CSMD1: variants seen among roughly 807,000 people sequenced by gnomAD.
CSMD1 encodes CUB and Sushi multiple domains 1, also known as CUB and sushi domain-containing protein 1.
CSMD1 carries 213 observed loss-of-function variants against 417.5 expected under a neutral mutation model. The observed-to-expected ratio is 0.51, with a 90% confidence interval of 0.46 to 0.57. The LOEUF (loss-of-function observed/expected upper bound fraction) is 0.57. Among genes scored for constraint, CSMD1 ranks in the 20% least tolerant of loss-of-function variants. The pLI is 0.00. For synonymous variants in CSMD1, 2,862 were observed against 1,736.8 expected (o/e 1.65, Z -16.11); for missense variants, 6,923 against 4,529.7 (o/e 1.53, Z -15.17).
At chr8:4,505,690 A>G (rs1381866811) in intron 2 of CSMD1, among the ~76,000 whole-genome samples, 3 of 152,138 alleles carry the variant, frequency 2.0e-5, no homozygotes, top group African/African-American at 7.2e-5. Flanking sequence ...AGGGAGTTCT[A>G]AGAGCTTTCA....
intron 18 of CSMD1, among the ~76,000 whole-genome samples, chr8:3,372,100 T>A (rs1585068032): frequency 6.6e-6 from 1 of 152,014 alleles, no homozygotes; most frequent in South Asian, 2.1e-4. Context: ...GACACATGAC[T>A]GTGAAGAAAA....
intron 7 of CSMD1, among the ~76,000 whole-genome samples, chr8:3,690,376 T>C (rs1286604577): frequency 6.6e-6 from 1 of 152,082 alleles, no homozygotes; most frequent in Non-Finnish European, 1.5e-5. Context: ...AAAACAAAAA[T>C]TACCTGAATC....
intron 1 of CSMD1, among the ~76,000 whole-genome samples, chr8:4,648,165 A>C (rs922689125): frequency 8.5e-5 from 13 of 152,212 alleles, no homozygotes; most frequent in African/African-American, 3.1e-4. Flanking sequence ...TCTGATTATC[A>C]GTGATGTTGA....
At chr8:3,255,956 G>A (rs1025589646) in intron 26 of CSMD1, among the ~76,000 whole-genome samples, 24 of 152,228 alleles carry the variant, frequency 1.6e-4, no homozygotes, top group Middle Eastern at 3.4e-3. Flanking sequence ...CTTCTGCATC[G>A]TTCATGCTGG....
At chr8:4,579,420 G>T (rs953889860) in intron 2 of CSMD1, among the ~76,000 whole-genome samples, 1 of 151,868 alleles carries the variant, frequency 6.6e-6, no homozygotes, top group Non-Finnish European at 1.5e-5. Flanking sequence ...GTACAATGGC[G>T]TGATCTCAGC....
chr8:3,632,146 A>C (rs17396948), intron 7 of CSMD1, among the ~76,000 whole-genome samples: 7,544 of 152,310 alleles, frequency 0.05, 264 homozygotes, highest in Non-Finnish European at 0.077. Flanking sequence ...CCTGCTAGAG[A>C]AAAGGGATTT....
At chr8:4,275,409 G>C (rs1055560023) in intron 3 of CSMD1, among the ~76,000 whole-genome samples, 3 of 152,042 alleles carry the variant, frequency 2.0e-5, no homozygotes, top group African/African-American at 7.2e-5. Context: ...GGACAAAGGA[G>C]AATAAATACA....
intron 3 of CSMD1, among the ~76,000 whole-genome samples, chr8:4,096,565 C>T (rs73173813): frequency 7.8e-5 from 11 of 141,570 alleles, no homozygotes; most frequent in Admixed American, 2.0e-4. Flanking sequence ...TGATAATGCA[C>T]GCCACTAAGG....
intron 3 of CSMD1, among the ~76,000 whole-genome samples, chr8:4,313,686 T>A (rs1798757327): frequency 1.3e-5 from 2 of 151,886 alleles, no homozygotes; most frequent in South Asian, 4.2e-4. Context: ...GCTCTGAAAG[T>A]TTCAGACATT....
chr8:3,402,254 T>C (rs913828104), intron 15 of CSMD1, among the ~76,000 whole-genome samples: 3 of 152,198 alleles, frequency 2.0e-5, no homozygotes, highest in Admixed American at 6.5e-5. Context: ...TGTTCAATCC[T>C]TAATCTTTTT....
At chr8:3,414,911 G>A (rs1286340168) in intron 12 of CSMD1, among the ~76,000 whole-genome samples, 6 of 152,016 alleles carry the variant, frequency 3.9e-5, no homozygotes, top group African/African-American at 1.5e-4. Context: ...CGTGTCTCTA[G>A]CACCACTCTC....
At chr8:4,099,206 G>GCACA (rs142311935) in intron 3 of CSMD1, among the ~76,000 whole-genome samples, 96 of 148,572 alleles carry the variant, frequency 6.5e-4, no homozygotes, top group Middle Eastern at 7.0e-3. Flanking sequence ...ACACACACAC[G>GCACA]CACACACACA....
chr8:4,475,725 G>C (rs777764920), intron 2 of CSMD1, among the ~76,000 whole-genome samples: 13 of 151,734 alleles, frequency 8.6e-5, no homozygotes, highest in Non-Finnish European at 1.3e-4. Flanking sequence ...GGATTCTCCT[G>C]CATCAGCCTC....
At chr8:3,621,350 C>G (rs1020472998) in intron 7 of CSMD1, among the ~76,000 whole-genome samples, 1 of 151,960 alleles carries the variant, frequency 6.6e-6, no homozygotes, top group Non-Finnish European at 1.5e-5. Flanking sequence ...TCACTTTAGG[C>G]GTAAGGACAC....
chr8:3,353,037 G>C (rs1808519056), intron 21 of CSMD1, among the ~76,000 whole-genome samples: 1 of 152,126 alleles, frequency 6.6e-6, no homozygotes, highest in Non-Finnish European at 1.5e-5. Flanking sequence ...ACTATGATTT[G>C]AACCCCAGGC....
rs181985245 is a variant in CSMD1, at chr8:4,719,456, T to C, written c.86-81898A>G. On this transcript the variant is annotated intron_variant, in intron 1 of 69. Transcript: ENST00000635120. ...TAAGTCTCAGGCATTTGCTGCTTCC[T>C]TTCTTCCAGAAATGGACTCTCATTT... 4.8e-3 allele frequency among the ~76,000 whole-genome samples: 736 copies of C among 152,234 alleles called. 9 individuals are homozygous for C. The highest frequency in any genetic ancestry group is 0.016 in the African/African-American group (658 of 41,544).
At chr8:4,694,827 G>A (rs1338521983) in intron 1 of CSMD1, among the ~76,000 whole-genome samples, 7 of 151,962 alleles carry the variant, frequency 4.6e-5, no homozygotes, top group South Asian at 2.1e-4. Context: ...TAAATTGACC[G>A]AGACCTGTCT....
At chr8:3,169,802 C>T (rs1307773824) in intron 37 of CSMD1, among the ~76,000 whole-genome samples, 2 of 152,102 alleles carry the variant, frequency 1.3e-5, no homozygotes, top group Admixed American at 1.3e-4. Context: ...TCTCTAATTC[C>T]AAGTACCCCC....
intron 1 of CSMD1, among the ~76,000 whole-genome samples, chr8:4,720,996 G>A (rs139482556): frequency 3.3e-5 from 5 of 151,988 alleles, no homozygotes; most frequent in African/African-American, 9.7e-5. Flanking sequence ...TTATTTGAAT[G>A]GAATTTAAAT....
Sources: allele counts gnomAD v4.1 joint callset (sites outside exome capture counted in the v4.1 genomes callset), GRCh38; gene constraint gnomAD v4.1.1; transcripts MANE v1.5; gene names NCBI Gene and HGNC (gene_info 2026-07-23, HGNC 2026-07-21).